Variants in OPCML observed in about 807,000 individuals in gnomAD.
OPCML encodes opioid-binding protein/cell adhesion molecule.
OPCML carries 13 observed loss-of-function variants against 37.8 expected under a neutral mutation model. The observed-to-expected ratio is 0.34, with a 90% confidence interval of 0.22 to 0.55. The LOEUF (loss-of-function observed/expected upper bound fraction) is 0.55. OPCML is among the 20% of genes least tolerant of loss of function. The pLI is 0.91. For missense variants in OPCML, 341 were observed against 435.6 expected (o/e 0.78, Z 1.93); for synonymous variants, 176 against 168.8 (o/e 1.04, Z -0.33).
intron 1 of OPCML, among the ~76,000 whole-genome samples, chr11:133,498,047 C>T (rs1052994075): frequency 6.6e-6 from 1 of 152,200 alleles, no homozygotes; most frequent in Non-Finnish European, 1.5e-5. Flanking sequence ...AAATTACAGG[C>T]CAGGCTGTGT....
At chr11:133,263,980 G>T (rs1486258729) in intron 1 of OPCML, among the ~76,000 whole-genome samples, 1 of 152,070 alleles carries the variant, frequency 6.6e-6, no homozygotes, top group Non-Finnish European at 1.5e-5. Context: ...GTTTAAAATG[G>T]AACAGTGAAG....
chr11:133,224,197 G>A (rs1438335389), intron 1 of OPCML, among the ~76,000 whole-genome samples: 3 of 152,168 alleles, frequency 2.0e-5, no homozygotes, highest in Admixed American at 6.5e-5. Context: ...AAAAGTGGCC[G>A]GTGGTGGTTT....
At chr11:132,683,730 A>T (rs543912750) in intron 2 of OPCML, among the ~76,000 whole-genome samples, 6 of 152,300 alleles carry the variant, frequency 3.9e-5, no homozygotes, top group African/African-American at 1.4e-4. Context: ...GCTGTCATTC[A>T]GAGTGATACT....
chr11:133,212,828 T>C lies in OPCML; in HGVS notation c.62-269818A>G, dbSNP rs1939421842. 6.6e-6 allele frequency among the ~76,000 whole-genome samples: 1 copy of C among 152,192 alleles called. No individual in the cohort carries two copies. Among genetic ancestry groups the C allele is most frequent in the African/African-American group, 2.4e-5 (1 of 41,446 alleles). On this transcript the variant is annotated intron_variant, in intron 1 of 7. Coordinates refer to ENST00000524381, the MANE Select transcript of OPCML (RefSeq NM_001012393.5). This position sits in a 1 kb window ranked among gnomAD's most constrained non-coding sequence, Gnocchi z 4.9. ...TAGCTGTTGAGAGGTAAGAGTGAAC[T>C]CATGACACTGCACCCTTTGTATGGG...
intron 1 of OPCML, among the ~76,000 whole-genome samples, chr11:133,115,448 A>T (rs1949317549): frequency 6.6e-6 from 1 of 152,224 alleles, no homozygotes; most frequent in African/African-American, 2.4e-5. Flanking sequence ...TTTCTACGGA[A>T]GCCACCTGAG....
rs1027794799 is a variant in OPCML at position 133,177,246 on chromosome 11, G to T, written c.62-234236C>A. On this transcript the variant is annotated intron_variant, in intron 1 of 7. Coordinates refer to ENST00000524381, the MANE Select transcript of OPCML (RefSeq NM_001012393.5). This position sits in a 1 kb window ranked among gnomAD's most constrained non-coding sequence, Gnocchi z 5.0. ...TTGATAGCGTCTGATCCAAGCAGGG[G>T]CTAGATGCAGACCTATCAGAGATCT... Among the ~76,000 whole-genome samples, 3 of 152,238 alleles carry T rather than the reference G, an allele frequency of 2.0e-5. No individual in the cohort carries two copies. The highest frequency in any genetic ancestry group is 4.4e-5 in the Non-Finnish European group (3 of 68,050).
chr11:133,364,730 A>G (rs2136731323), intron 1 of OPCML, among the ~76,000 whole-genome samples: 1 of 152,150 alleles, frequency 6.6e-6, no homozygotes, highest in East Asian at 1.9e-4. Flanking sequence ...TATTCTCCCA[A>G]TTCTTAGAAT....
At chr11:133,247,939 G>T (rs572576978) in intron 1 of OPCML, among the ~76,000 whole-genome samples, 2 of 152,248 alleles carry the variant, frequency 1.3e-5, no homozygotes, top group East Asian at 3.9e-4. Flanking sequence ...AGAAGGAATA[G>T]TTGCTAACAT....
intron 2 of OPCML, among the ~76,000 whole-genome samples, chr11:132,892,506 C>T (rs535569608): frequency 2.0e-5 from 3 of 152,178 alleles, no homozygotes; most frequent in African/African-American, 7.2e-5. Flanking sequence ...TGGTGGCTCA[C>T]GCCTGTAATC....
At chr11:132,628,947 T>C (rs1436344283) in intron 3 of OPCML, among the ~76,000 whole-genome samples, 2 of 152,144 alleles carry the variant, frequency 1.3e-5, no homozygotes, top group Non-Finnish European at 2.9e-5. Context: ...CATGCTGAAT[T>C]AAACCTCTTT....
chr11:133,127,536 G>A (rs1949535046), intron 1 of OPCML, among the ~76,000 whole-genome samples: 1 of 152,014 alleles, frequency 6.6e-6, no homozygotes, highest in Admixed American at 6.6e-5. Context: ...AGGAGGCTGA[G>A]GTGGGAGGAT....
chr11:133,288,578 C>T (rs1040154609), intron 1 of OPCML, among the ~76,000 whole-genome samples: 1 of 152,190 alleles, frequency 6.6e-6, no homozygotes, highest in Non-Finnish European at 1.5e-5. Context: ...ATCTTTGCAT[C>T]TGTGGTTCTC....
chr11:132,848,360 T>C (rs1941646359), intron 2 of OPCML, among the ~76,000 whole-genome samples: 1 of 152,216 alleles, frequency 6.6e-6, no homozygotes, highest in South Asian at 2.1e-4. Flanking sequence ...TGGCATATTA[T>C]ATATTCACAT....
At chr11:132,898,064 A>G (rs1011066144) in intron 2 of OPCML, among the ~76,000 whole-genome samples, 2 of 152,136 alleles carry the variant, frequency 1.3e-5, no homozygotes, top group Admixed American at 1.3e-4. Flanking sequence ...CTATGGTGGT[A>G]GGGATGGAGG....
chr11:132,689,900 C>A (rs934657976), intron 2 of OPCML, among the ~76,000 whole-genome samples: 1 of 152,128 alleles, frequency 6.6e-6, no homozygotes, highest in Non-Finnish European at 1.5e-5. Flanking sequence ...TGCCTTGGAC[C>A]ATAAGTAATC....
chr11:132,682,385 T>C (rs548747740), intron 2 of OPCML, among the ~76,000 whole-genome samples: 101 of 152,376 alleles, frequency 6.6e-4, no homozygotes, highest in Admixed American at 1.7e-3. Flanking sequence ...ATCTCATTTA[T>C]GTTTTATAAC....
intron 2 of OPCML, among the ~76,000 whole-genome samples, chr11:132,859,806 T>A (rs1425603310): frequency 1.3e-5 from 2 of 152,238 alleles, no homozygotes; most frequent in African/African-American, 4.8e-5. Context: ...TTCCCGTATT[T>A]CACATGTTCT....
At chr11:132,529,227 C>G in intron 3 of OPCML, 41 bp from the exon 4 acceptor site, 1 of 1,558,296 alleles carries the variant, frequency 6.4e-7, no homozygotes, top group Admixed American at 1.8e-5. Flanking sequence ...GAGAATAATT[C>G]TTTGCACTTA....
Position 133,140,859 on chromosome 11 carries a change from A to AGAG in OPCML, c.62-197850_62-197849insCTC, listed in dbSNP as rs139420572. On this transcript the variant is annotated intron_variant, in intron 1 of 7. Transcript: ENST00000524381. ...AAGAAGACGACGACGACGACGAAGA[A>AGAG]GACGACGACGACGAAGAAGACGACG... Among the ~76,000 whole-genome samples, 57 of 33,522 alleles carry AGAG rather than the reference A, an allele frequency of 1.7e-3. 5 individuals carry two copies. The highest frequency in any genetic ancestry group is 2.9e-3 in the African/African-American group (45 of 15,652). 22.0% of individuals were successfully genotyped at this position (33,522 alleles called of 152,430 possible).
Sources: allele counts gnomAD v4.1 joint callset (sites outside exome capture counted in the v4.1 genomes callset), GRCh38; gene constraint gnomAD v4.1.1; non-coding constraint Gnocchi (gnomAD v3.1); transcripts MANE v1.5; gene names NCBI Gene and HGNC (gene_info 2026-07-23, HGNC 2026-07-21).